The following CERKL variants were observed in gnomAD, a reference collection of about 807,000 sequenced individuals.
CERKL encodes the protein CERK like autophagy regulator, also known as ceramide kinase-like protein.
CERKL carries 61 observed loss-of-function variants against 63.4 expected under a neutral mutation model. The ratio of observed to expected loss-of-function variants is 0.96; its 90% CI spans 0.78 to 1.19. CERKL has a LOEUF of 1.19. CERKL is among the 50% of genes most tolerant of loss of function. CERKL has a pLI of 0.00. For synonymous variants in CERKL, 250 were observed against 230.5 expected, an observed-to-expected ratio of 1.08 and a Z score of -0.77; for missense variants, 675 against 655.5, an observed-to-expected ratio of 1.03 and a Z score of -0.33.
At chr2:181,575,580 G>A (rs182312635) in intron 2 of CERKL, among the ~76,000 whole-genome samples, 3 of 152,014 alleles carry the variant, frequency 2.0e-5, no homozygotes, top group African/African-American at 7.2e-5. Flanking sequence ...ATCTGAGCAG[G>A]GTTTTTGGCT....
At chr2:181,542,771 T>G (rs560170417) in intron 11 of CERKL, among the ~76,000 whole-genome samples, 2 of 152,316 alleles carry the variant, frequency 1.3e-5, no homozygotes, top group South Asian at 4.1e-4. Context: ...GAAAATATGA[T>G]AAATCCTGCA....
intron 1 of CERKL, among the ~76,000 whole-genome samples, chr2:181,646,801 C>T (rs1014359133): frequency 3.9e-5 from 6 of 152,172 alleles, no homozygotes; most frequent in Non-Finnish European, 8.8e-5. Context: ...AAGACTTCTG[C>T]TAATCTCTGC....
At chr2:181,629,106 T>A (rs1419842505) in intron 1 of CERKL, among the ~76,000 whole-genome samples, 2 of 152,164 alleles carry the variant, frequency 1.3e-5, no homozygotes, top group African/African-American at 4.8e-5. Flanking sequence ...TTAACACAAT[T>A]ATATCATTTT....
rs1034139995 is a variant in CERKL, at chr2:181,584,493, C to T, written c.482-10609G>A. On this transcript the variant is annotated intron_variant, in intron 2 of 12. Transcript: ENST00000410087. Reference sequence around the variant, plus strand: ...CACCATTGCACTCCAGCCTGGACAACAGAGCAAGACCTTGTCTCAGAAAAG... The same window carrying T: ...CACCATTGCACTCCAGCCTGGACAATAGAGCAAGACCTTGTCTCAGAAAAG... 6.6e-5 allele frequency among the ~76,000 whole-genome samples: 10 copies of T among 151,584 alleles called. No homozygotes were observed. In the East Asian group the frequency reaches 2.0e-3, roughly 30 times the overall value.
rs1559069983 is a variant in CERKL, at chr2:181,544,807, A to G, written c.1269-11T>C. The G allele has an allele frequency of 6.5e-7, 1 of 1,529,870 alleles. No individual in the cohort carries two copies. The allele number at this position is 1,529,870 out of a possible 1,614,324, so 94.8% of individuals were successfully genotyped here. A position where few individuals can be genotyped will look rare whatever the true frequency, so the allele number is the denominator to read the frequency against. On this transcript the variant is annotated splice_polypyrimidine_tract_variant and intron_variant, in intron 10 of 12. Transcript: ENST00000410087. ...CTTCCATTATTTAATCTGAAATTAA[A>G]TATTTCTATTAGACATCAAGAAATT...
chr2:181,575,662 G>A (rs761836270), intron 2 of CERKL, among the ~76,000 whole-genome samples: 1 of 152,142 alleles, frequency 6.6e-6, no homozygotes, highest in Non-Finnish European at 1.5e-5. Context: ...AACAGCAGGG[G>A]TGAAAATTTT....
rs541560553 is a variant in CERKL at position 181,582,293 on chromosome 2, G to T, written c.482-8409C>A. ...TCATGCAGAACCATCTCTAAACTAG[G>T]TTCCTTTTATTTCCTTCAGTGTGCT... On this transcript the variant is annotated intron_variant, in intron 2 of 12. Transcript: ENST00000410087. Among the ~76,000 whole-genome samples the T allele has an allele frequency of 3.2e-4, 48 of 152,074 alleles. 1 individual carries two copies. In the Middle Eastern group the frequency reaches 0.014, roughly 43 times the overall value.
chr2:181,634,868 T>C (rs923595613), intron 1 of CERKL, among the ~76,000 whole-genome samples: 2 of 152,194 alleles, frequency 1.3e-5, no homozygotes, highest in Non-Finnish European at 2.9e-5. Context: ...TAGTGTATTA[T>C]CACCTTCAAT....
At chr2:181,554,203 A>C (rs1688108158) in intron 5 of CERKL, among the ~76,000 whole-genome samples, 1 of 151,276 alleles carries the variant, frequency 6.6e-6, no homozygotes, top group Non-Finnish European at 1.5e-5. Flanking sequence ...TGGAAGTGCA[A>C]GCACTTCTGC....
Position 181,537,040 on chromosome 2 carries a change from T to TTGAG in CERKL, c.*1140_*1143dup, listed in dbSNP as rs1559062715. On this transcript the variant is annotated 3_prime_UTR_variant, in exon 13 of 13. Coordinates refer to ENST00000410087, the MANE Select transcript of CERKL (RefSeq NM_201548.5). ...AATGTTCTGAGATTTGCGAAGGCAT[T>TTGAG]TGAGTAGTGAAATGTAAGCACAAAA... 1 of 444,818 alleles carries TTGAG rather than the reference T, an allele frequency of 2.2e-6. No individual in the cohort carries two copies. The highest frequency in any genetic ancestry group is 2.4e-5 in the Admixed American group (1 of 41,604). 27.6% of individuals were successfully genotyped at this position (444,818 alleles called of 1,614,324 possible).
At chr2:181,566,773 G>A (rs1050509448) in intron 3 of CERKL, among the ~76,000 whole-genome samples, 11 of 152,076 alleles carry the variant, frequency 7.2e-5, no homozygotes, top group East Asian at 1.9e-4. Flanking sequence ...ATGCAGTATC[G>A]TAAATGCCAG....
chr2:181,603,744 T>C (rs771704328), intron 2 of CERKL, 93 bp downstream of exon 2: 28 of 1,249,898 alleles, frequency 2.2e-5, no homozygotes, highest in Non-Finnish European at 3.2e-5. Flanking sequence ...TATCTCAACA[T>C]CACTAAAGTT....
chr2:181,548,648 G>A, intron 7 of CERKL, 32 bp downstream of exon 7: 2 of 1,612,594 alleles, frequency 1.2e-6, no homozygotes, highest in East Asian at 2.2e-5. Flanking sequence ...TTGAACCTGG[G>A]ATACAATTTT....
Position 181,537,834 on chromosome 2 carries a change from C to T in CERKL, c.*350G>A. 1 of 486,384 alleles carries T rather than the reference C, an allele frequency of 2.1e-6. No individual in the cohort carries two copies. The highest frequency in any genetic ancestry group is 4.0e-6 in the Non-Finnish European group (1 of 248,452). 30.1% of individuals were successfully genotyped at this position (486,384 alleles called of 1,614,324 possible). On this transcript the variant is annotated 3_prime_UTR_variant, in exon 13 of 13. Transcript: ENST00000410087. ...CCTAGAGGCTAATTGTTAGTAACAT[C>T]AATTTCTATTAGGATATCCGTTTGG... is the stretch of plus-strand genomic sequence containing the variant.
rs1336124827 is a variant in CERKL, at chr2:181,547,675, A to G, written c.1211T>C (p.Ile404Thr). Residue 404 changes from isoleucine to threonine, a missense_variant, in exon 10 of 13, where the codon ATT becomes ACT. By Grantham distance (89) the Ile-to-Thr change is moderately conservative. Coordinates refer to ENST00000410087, the MANE Select transcript of CERKL (RefSeq NM_201548.5). ...MIQGQFLNVS[I>T]MAIPCLCSVA... is the part of the protein sequence containing the mutation. ...TGAACACAGGCAAGGAATTGCCATA[A>G]TGCTGACATTCAAGAACTGACCCTG... 6.2e-7 allele frequency: 1 copy of G among 1,614,120 alleles called. No individual in the cohort carries two copies. The highest frequency in any genetic ancestry group is 2.2e-5 in the East Asian group (1 of 44,868).
At chr2:181,641,354 T>TATAC (rs1687433257) in intron 1 of CERKL, among the ~76,000 whole-genome samples, 3 of 18,256 alleles carry the variant, frequency 1.6e-4, no homozygotes, top group South Asian at 9.1e-3. Context: ...TACATATATA[T>TATAC]ACACATATTT....
At chr2:181,581,834 G>A (rs753883448) in intron 2 of CERKL, among the ~76,000 whole-genome samples, 3 of 152,196 alleles carry the variant, frequency 2.0e-5, no homozygotes, top group Non-Finnish European at 2.9e-5. Context: ...TTGGTAAGCA[G>A]CAGTGCTTAT....
chr2:181,641,548 T>C (rs1687444146), intron 1 of CERKL, among the ~76,000 whole-genome samples: 1 of 151,962 alleles, frequency 6.6e-6, no homozygotes, highest in Admixed American at 6.6e-5. Context: ...TGCTTTATCT[T>C]TAAATAGGCA....
At chr2:181,559,356 A>G (rs983100156) in intron 4 of CERKL, among the ~76,000 whole-genome samples, 1 of 152,336 alleles carries the variant, frequency 6.6e-6, no homozygotes, top group East Asian at 1.9e-4. Flanking sequence ...ATCCATTAAA[A>G]TAACACAGAA....
Sources: allele counts gnomAD v4.1 joint callset (sites outside exome capture counted in the v4.1 genomes callset), GRCh38; gene constraint gnomAD v4.1.1; transcripts MANE v1.5; gene names NCBI Gene and HGNC (gene_info 2026-07-23, HGNC 2026-07-21).